PTPRD: variants seen among roughly 807,000 people sequenced by gnomAD.
PTPRD encodes the protein protein tyrosine phosphatase receptor type D, also known as receptor-type tyrosine-protein phosphatase delta.
A neutral mutation model predicts 214.5 loss-of-function variants in PTPRD; 34 were observed. The ratio of observed to expected loss-of-function variants is 0.16; its 90% CI spans 0.12 to 0.21. The LOEUF is 0.21. Among genes scored for constraint, PTPRD ranks in the 10% least tolerant of loss-of-function variants. PTPRD has a pLI of 1.00. For missense variants in PTPRD, 2,545 were observed against 2,398.7 expected (o/e 1.06, Z -1.27); for synonymous variants, 1,128 against 845.7 (o/e 1.33, Z -5.79).
chr9:9,092,916 A>G (rs2099778311), intron 10 of PTPRD, among the ~76,000 whole-genome samples: 2 of 151,942 alleles, frequency 1.3e-5, no homozygotes, highest in African/African-American at 2.4e-5. Context: ...AAAACCCAAT[A>G]CTCTATTATA....
chr9:9,949,766 T>C (rs2093249396), intron 4 of PTPRD, among the ~76,000 whole-genome samples: 1 of 152,200 alleles, frequency 6.6e-6, no homozygotes, highest in African/African-American at 2.4e-5. Context: ...ACTCAGGTCA[T>C]GTGTTATCTT....
At chr9:8,989,239 T>C (rs1301828358) in intron 11 of PTPRD, among the ~76,000 whole-genome samples, 3 of 152,012 alleles carry the variant, frequency 2.0e-5, no homozygotes, top group Admixed American at 1.3e-4. Flanking sequence ...TCTCTTCTAC[T>C]TGTTTTGAAA....
chr9:10,360,254 A>T (rs1565527695), intron 2 of PTPRD, among the ~76,000 whole-genome samples: 3 of 152,248 alleles, frequency 2.0e-5, no homozygotes. Context: ...TCCTGGCTTC[A>T]GTTTCTTTGC....
intron 2 of PTPRD, among the ~76,000 whole-genome samples, chr9:10,464,681 TA>T (rs2131427513): frequency 6.6e-6 from 1 of 152,008 alleles, no homozygotes; most frequent in Non-Finnish European, 1.5e-5. Context: ...AATCCAATCT[TA>T]TAAAATAAAA....
intron 11 of PTPRD, among the ~76,000 whole-genome samples, chr9:9,009,020 T>C (rs1407143210): frequency 6.6e-6 from 1 of 152,090 alleles, no homozygotes; most frequent in African/African-American, 2.4e-5. Flanking sequence ...TCAGATGAAA[T>C]CTATTTGAAA....
intron 12 of PTPRD, among the ~76,000 whole-genome samples, chr9:8,637,314 G>A (rs887412817): frequency 3.9e-5 from 6 of 152,164 alleles, no homozygotes; most frequent in Admixed American, 2.6e-4. Flanking sequence ...AAATTTTAAA[G>A]AGACAAGAAA....
intron 9 of PTPRD, among the ~76,000 whole-genome samples, chr9:9,203,592 A>T (rs1460511719): frequency 6.6e-6 from 1 of 152,116 alleles, no homozygotes; most frequent in Admixed American, 6.5e-5. Context: ...GCATCTTTTC[A>T]GGAAGCCATC....
chr9:9,183,716 C>G (rs1269129398), intron 9 of PTPRD, among the ~76,000 whole-genome samples: 1 of 151,966 alleles, frequency 6.6e-6, no homozygotes, highest in East Asian at 1.9e-4. Flanking sequence ...TTTGTTGCAT[C>G]CTACAATTAC....
At chr9:8,618,982 A>C (rs1367252491) in intron 14 of PTPRD, among the ~76,000 whole-genome samples, 5 of 138,924 alleles carry the variant, frequency 3.6e-5, no homozygotes, top group African/African-American at 1.1e-4. Context: ...CTAGTCTCAA[A>C]CTCGTGACCT....
At chr9:10,398,022 C>A (rs1212190636) in intron 2 of PTPRD, among the ~76,000 whole-genome samples, 2 of 151,728 alleles carry the variant, frequency 1.3e-5, no homozygotes, top group Admixed American at 1.3e-4. Flanking sequence ...GTTCTACCAT[C>A]TCTCAAATCA....
At chr9:9,927,832 T>G (rs1039766795) in intron 5 of PTPRD, among the ~76,000 whole-genome samples, 1 of 152,116 alleles carries the variant, frequency 6.6e-6, no homozygotes, top group African/African-American at 2.4e-5. Flanking sequence ...CTAGCTTATT[T>G]TCATGTCATT....
At chr9:9,950,862 A>G (rs1194915697) in intron 4 of PTPRD, among the ~76,000 whole-genome samples, 1 of 150,774 alleles carries the variant, frequency 6.6e-6, no homozygotes, top group Non-Finnish European at 1.5e-5. Context: ...ATTACATGGG[A>G]GTATGGTCTC....
At chr9:10,247,955 T>A (rs1241292689) in intron 3 of PTPRD, among the ~76,000 whole-genome samples, 1 of 150,770 alleles carries the variant, frequency 6.6e-6, no homozygotes, top group Non-Finnish European at 1.5e-5. Context: ...TGGGGGCAGG[T>A]TTTTCCCATG....
At chr9:9,016,815 A>C (rs2099537388) in intron 11 of PTPRD, among the ~76,000 whole-genome samples, 1 of 152,196 alleles carries the variant, frequency 6.6e-6, no homozygotes, top group Non-Finnish European at 1.5e-5. Flanking sequence ...AAGTACTTTC[A>C]GAATGACAAC....
chr9:9,859,161 G>A (rs950627553), intron 5 of PTPRD, among the ~76,000 whole-genome samples: 2 of 152,172 alleles, frequency 1.3e-5, no homozygotes, highest in African/African-American at 4.8e-5. Flanking sequence ...TGTGAAGAAG[G>A]TACCTGCTTC....
At chr9:8,749,373 A>G (rs529524165) in intron 11 of PTPRD, among the ~76,000 whole-genome samples, 3 of 152,242 alleles carry the variant, frequency 2.0e-5, no homozygotes, top group African/African-American at 7.2e-5. Flanking sequence ...TTTTTAGTAG[A>G]GACGGGGTTT....
chr9:10,173,136 T>A (rs913133564), intron 3 of PTPRD, among the ~76,000 whole-genome samples: 8 of 152,182 alleles, frequency 5.3e-5, no homozygotes, highest in African/African-American at 1.9e-4. Context: ...GATGGCAGAA[T>A]CATATATCAA....
chr9:8,904,360 A>G (rs1378738644), intron 11 of PTPRD, among the ~76,000 whole-genome samples: 2 of 152,100 alleles, frequency 1.3e-5, no homozygotes, highest in African/African-American at 2.4e-5. Flanking sequence ...TTATTTCTCA[A>G]ACTTGGATCC....
At position 9,019,321 on chromosome 9, in the gene PTPRD, A is replaced by AAAGAAAGAAAGAAAGAAAGAAAGAAAGG. The variant is rs1569429306; in HGVS notation, c.-142-587_-142-586insCCTTTCTTTCTTTCTTTCTTTCTTTCTT. On this transcript the variant is annotated intron_variant, in intron 10 of 45. Coordinates refer to ENST00000381196, the MANE Select transcript of PTPRD (RefSeq NM_002839.4). ...GAAAGAAAGAAAGAAAGAAAGAAAG[A>AAAGAAAGAAAGAAAGAAAGAAAGAAAGG]AAGAAAGAAAGAAAGAACGAAAGAA... is the stretch of plus-strand genomic sequence containing the variant. 1.8e-4 allele frequency among the ~76,000 whole-genome samples: 16 copies of AAAGAAAGAAAGAAAGAAAGAAAGAAAGG among 87,606 alleles called. 1 individual carries two copies. The highest frequency in any genetic ancestry group is 3.4e-4 in the Non-Finnish European group (14 of 41,508). The allele number at this position is 87,606 out of a possible 152,430, so 57.5% of individuals were successfully genotyped here. A position where few individuals can be genotyped will look rare whatever the true frequency, so the allele number is the denominator to read the frequency against.
Sources: gnomAD v4.1 joint callset for allele counts (sites outside exome capture counted in the v4.1 genomes callset) on GRCh38, gnomAD v4.1.1 for gene constraint, MANE v1.5 for transcripts, NCBI Gene and HGNC (gene_info 2026-07-23, HGNC 2026-07-21) for gene names.